Variants in CFAP299 observed in about 807,000 individuals in gnomAD.
CFAP299 encodes the protein cilia and flagella associated protein 299.
A neutral mutation model predicts 27.0 loss-of-function variants in CFAP299; 21 were observed. The observed-to-expected ratio is 0.78, with a 90% CI of 0.55 to 1.12. The LOEUF is 1.12. Ranked by LOEUF, CFAP299 falls within the 50% of genes most tolerant of loss-of-function variation. CFAP299 has a pLI of 0.00. For missense variants in CFAP299, 310 were observed against 276.6 expected (o/e 1.12, Z -0.86); for synonymous variants, 104 against 98.1 (o/e 1.06, Z -0.36).
chr4:80,642,757 C>T (rs1424586574), intron 3 of CFAP299, among the ~76,000 whole-genome samples: 1 of 152,006 alleles, frequency 6.6e-6, no homozygotes, highest in African/African-American at 2.4e-5. Flanking sequence ...AGCCAGATTC[C>T]GTCTCAAAAA....
chr4:80,926,707 C>G (rs566913336), intron 4 of CFAP299, among the ~76,000 whole-genome samples: 1 of 151,740 alleles, frequency 6.6e-6, no homozygotes, highest in Admixed American at 6.6e-5. Flanking sequence ...TTCTGTTTCA[C>G]TATAAAAAAT....
intron 3 of CFAP299, among the ~76,000 whole-genome samples, chr4:80,744,546 T>G (rs1173578358): frequency 6.6e-6 from 1 of 152,190 alleles, no homozygotes; most frequent in African/African-American, 2.4e-5. Flanking sequence ...TCTCTGCAGG[T>G]GAACACCTCC....
Position 80,362,748 on chromosome 4 carries a change from C to T in CFAP299, c.112-6C>T, listed in dbSNP as rs374805934. 3.1e-6 allele frequency: 5 copies of T among 1,595,756 alleles called. No individual in the cohort carries two copies. Among genetic ancestry groups the T allele is most frequent in the Admixed American group, 1.8e-5 (1 of 54,098 alleles). On this transcript the variant is annotated splice_region_variant and splice_polypyrimidine_tract_variant and intron_variant, in intron 1 of 5. Coordinates refer to ENST00000358105, the MANE Select transcript of CFAP299 (RefSeq NM_152770.3). ...CCACTCACCTAACAACTGATTTTCTCTCTAGGATGAAACCCTGGCCCGCCA... is the reference window on the plus strand; with the variant it reads ...CCACTCACCTAACAACTGATTTTCTTTCTAGGATGAAACCCTGGCCCGCCA...
At chr4:80,551,776 A>G (rs1380063230) in intron 2 of CFAP299, among the ~76,000 whole-genome samples, 1 of 148,812 alleles carries the variant, frequency 6.7e-6, no homozygotes, top group African/African-American at 2.5e-5. Context: ...TTTAATGGAG[A>G]CTCGGTCTAT....
chr4:80,826,646 G>A (rs1730005511), intron 3 of CFAP299, among the ~76,000 whole-genome samples: 1 of 151,620 alleles, frequency 6.6e-6, no homozygotes, highest in Non-Finnish European at 1.5e-5. Context: ...TAATGAATAG[G>A]ACATCCAGAA....
At chr4:80,593,262 C>T (rs1388235428) in intron 3 of CFAP299, among the ~76,000 whole-genome samples, 1 of 152,100 alleles carries the variant, frequency 6.6e-6, no homozygotes, top group African/African-American at 2.4e-5. Context: ...AGCAAGAATA[C>T]CTGTTTGAAT....
intron 3 of CFAP299, among the ~76,000 whole-genome samples, chr4:80,864,529 CATATACGTATATATAGGT>C (rs1732597700): frequency 1.4e-5 from 2 of 145,602 alleles, no homozygotes; most frequent in Admixed American, 1.4e-4. Context: ...CGTATATATA[CATATACGTATATATAGGT>C]ATATATATAT....
At chr4:80,591,105 A>ATTTTTTTTTTTTTT in intron 3 of CFAP299, among the ~76,000 whole-genome samples, 1 of 126,862 alleles carries the variant, frequency 7.9e-6, no homozygotes, top group Non-Finnish European at 1.6e-5. Context: ...ACTTTAGGAA[A>ATTTTTTTTTTTTTT]TTTTTTTTTT....
chr4:80,382,586 G>A (rs966913286), intron 2 of CFAP299, among the ~76,000 whole-genome samples: 3 of 152,058 alleles, frequency 2.0e-5, no homozygotes, highest in East Asian at 1.9e-4. Context: ...TATGAAAAAA[G>A]GCTCATATCA....
intron 2 of CFAP299, among the ~76,000 whole-genome samples, chr4:80,399,383 C>T (rs1490087917): frequency 6.6e-6 from 1 of 152,076 alleles, no homozygotes; most frequent in Non-Finnish European, 1.5e-5. Context: ...TATACAGACA[C>T]ATGCACACAT....
At chr4:80,436,638 C>A (rs1465567845) in intron 2 of CFAP299, among the ~76,000 whole-genome samples, 1 of 152,206 alleles carries the variant, frequency 6.6e-6, no homozygotes, top group African/African-American at 2.4e-5. Context: ...TATTGCCTTT[C>A]TGCCTCCCTT....
At chr4:80,608,409 C>G in intron 3 of CFAP299, 1 of 1,464,566 alleles carries the variant, frequency 6.8e-7, no homozygotes, top group Non-Finnish European at 9.2e-7. Context: ...GGAAAAGTTT[C>G]CTTTACAAGT....
chr4:80,627,877 A>G (rs1302825523), intron 3 of CFAP299, among the ~76,000 whole-genome samples: 1 of 152,122 alleles, frequency 6.6e-6, no homozygotes, highest in East Asian at 1.9e-4. Flanking sequence ...CATAGATTGG[A>G]AGATTTAATA....
At chr4:80,917,903 G>A (rs530732806) in intron 4 of CFAP299, among the ~76,000 whole-genome samples, 3 of 152,006 alleles carry the variant, frequency 2.0e-5, no homozygotes, top group Admixed American at 6.6e-5. Flanking sequence ...GTATTCTAGG[G>A]GATGTTAGAA....
chr4:80,388,987 G>T (rs1417583435), intron 2 of CFAP299, among the ~76,000 whole-genome samples: 1 of 152,054 alleles, frequency 6.6e-6, no homozygotes, highest in Non-Finnish European at 1.5e-5. Context: ...TAATATGTGG[G>T]TGTGTACATG....
chr4:80,930,221 A>G (rs1033161178), intron 4 of CFAP299, among the ~76,000 whole-genome samples: 4 of 152,130 alleles, frequency 2.6e-5, no homozygotes, highest in African/African-American at 9.7e-5. Context: ...GGGCTTCTGG[A>G]TAGCTGAACA....
chr4:80,365,575 C>T (rs182307659), intron 2 of CFAP299, among the ~76,000 whole-genome samples: 2 of 152,294 alleles, frequency 1.3e-5, no homozygotes, highest in East Asian at 3.9e-4. Flanking sequence ...TATTCACTAT[C>T]AACTTCTATT....
chr4:80,784,922 A>G (rs1423337349), intron 3 of CFAP299, among the ~76,000 whole-genome samples: 1 of 152,088 alleles, frequency 6.6e-6, no homozygotes, highest in African/African-American at 2.4e-5. Flanking sequence ...GAGTTGTATG[A>G]TTTCTTTACA....
At chr4:80,901,306 T>C (rs948852868) in intron 4 of CFAP299, among the ~76,000 whole-genome samples, 1 of 152,180 alleles carries the variant, frequency 6.6e-6, no homozygotes, top group Non-Finnish European at 1.5e-5. Context: ...ATTTTCAAAA[T>C]CCATTACTGT....
Sources: gnomAD v4.1 joint callset for allele counts (sites outside exome capture counted in the v4.1 genomes callset) on GRCh38, gnomAD v4.1.1 for gene constraint, MANE v1.5 for transcripts, NCBI Gene and HGNC (gene_info 2026-07-23, HGNC 2026-07-21) for gene names.